The following PCDH9 variants were observed in gnomAD, a reference collection of about 807,000 sequenced individuals.
The protein encoded by PCDH9 is protocadherin-9.
A neutral mutation model predicts 70.6 loss-of-function variants in PCDH9; 24 were observed. The ratio of observed to expected loss-of-function variants is 0.34; its 90% CI spans 0.25 to 0.48. PCDH9 has a LOEUF of 0.48. PCDH9 is among the 20% of genes least tolerant of loss of function. The probability of loss-of-function intolerance (pLI) is 0.99; values close to 1 mark genes in which losing one functional copy is unlikely to be tolerated. For missense variants in PCDH9, 1,281 were observed against 1,503.6 expected (o/e 0.85, Z 2.45); for synonymous variants, 562 against 558.5 (o/e 1.01, Z -0.09).
intron 3 of PCDH9, among the ~76,000 whole-genome samples, chr13:66,664,007 T>TTA (rs1238049953): frequency 6.6e-6 from 1 of 152,148 alleles, no homozygotes; most frequent in Non-Finnish European, 1.5e-5. Flanking sequence ...ACTACAGACT[T>TTA]TCACCTAGAA....
At chr13:66,445,574 A>AGC (rs1264122510) in intron 4 of PCDH9, among the ~76,000 whole-genome samples, 1 of 143,764 alleles carries the variant, frequency 7.0e-6, no homozygotes, top group African/African-American at 2.5e-5. Context: ...ACGTGTATAT[A>AGC]TTATATATAC....
chr13:66,611,687 T>G (rs2077295309), intron 4 of PCDH9, among the ~76,000 whole-genome samples: 2 of 152,158 alleles, frequency 1.3e-5, no homozygotes, highest in Non-Finnish European at 2.9e-5. Context: ...TAACAAGAAA[T>G]TTGAATATAG....
At chr13:66,750,096 C>T (rs1391455185) in intron 3 of PCDH9, among the ~76,000 whole-genome samples, 1 of 150,562 alleles carries the variant, frequency 6.6e-6, no homozygotes, top group African/African-American at 2.4e-5. Context: ...CGTGCATGTG[C>T]ACACACACAC....
At chr13:67,148,698 CAT>C (rs1011136971) in intron 2 of PCDH9, among the ~76,000 whole-genome samples, 1 of 152,028 alleles carries the variant, frequency 6.6e-6, no homozygotes, top group African/African-American at 2.4e-5. Flanking sequence ...GTTCTTTACA[CAT>C]GTCATAAAGA....
At chr13:66,904,226 A>G (rs2082322982) in intron 2 of PCDH9, among the ~76,000 whole-genome samples, 1 of 152,088 alleles carries the variant, frequency 6.6e-6, no homozygotes, top group Non-Finnish European at 1.5e-5. Context: ...CAGGTTATCT[A>G]AAATAATTTA....
intron 4 of PCDH9, among the ~76,000 whole-genome samples, chr13:66,531,515 A>G (rs908908252): frequency 1.3e-5 from 2 of 151,868 alleles, no homozygotes; most frequent in Non-Finnish European, 2.9e-5. Context: ...TTTTCTTGTT[A>G]TGGCATGCAC....
intron 2 of PCDH9, among the ~76,000 whole-genome samples, chr13:66,987,152 TG>T (rs2083908629): frequency 6.6e-6 from 1 of 152,110 alleles, no homozygotes; most frequent in Admixed American, 6.6e-5. Flanking sequence ...TAAATAAAAT[TG>T]GCTCTGATTT....
intron 2 of PCDH9, among the ~76,000 whole-genome samples, chr13:67,187,623 T>C (rs560081984): frequency 1.2e-3 from 185 of 152,302 alleles, no homozygotes; most frequent in African/African-American, 3.2e-3. Context: ...TCTATGATTA[T>C]TGATTGTAAT....
At chr13:66,640,362 C>T (rs2077692850) in intron 3 of PCDH9, among the ~76,000 whole-genome samples, 1 of 152,078 alleles carries the variant, frequency 6.6e-6, no homozygotes, top group South Asian at 2.1e-4. Flanking sequence ...CCTAGCATTC[C>T]CCTTGTTAAT....
Position 66,622,870 on chromosome 13 carries a change from C to T in PCDH9, c.3340+8340G>A, listed in dbSNP as rs113178451. 1.4e-3 allele frequency among the ~76,000 whole-genome samples: 207 copies of T among 152,268 alleles called. 1 individual carries two copies. The highest frequency in any genetic ancestry group is 4.7e-3 in the African/African-American group (194 of 41,550). ...CTTGCTGCTGCTCACTCTTTGTGTC[C>T]ACACTGCCTTTATGAGCTGTAACAC... On this transcript the variant is annotated intron_variant, in intron 4 of 4. Transcript: ENST00000377865.
At chr13:67,022,366 C>T (rs1331492189) in intron 2 of PCDH9, among the ~76,000 whole-genome samples, 1 of 151,866 alleles carries the variant, frequency 6.6e-6, no homozygotes, top group Non-Finnish European at 1.5e-5. Context: ...GGTGATCTGC[C>T]CACCTTGGCC....
chr13:66,427,641 A>G (rs1957694241), intron 4 of PCDH9, among the ~76,000 whole-genome samples: 2 of 151,792 alleles, frequency 1.3e-5, no homozygotes, highest in African/African-American at 4.8e-5. Context: ...TTTTCAGAAC[A>G]GAAAATATAA....
chr13:67,074,060 C>CTA (rs1370133039), intron 2 of PCDH9, among the ~76,000 whole-genome samples: 1 of 149,186 alleles, frequency 6.7e-6, no homozygotes, highest in African/African-American at 2.5e-5. Flanking sequence ...ATCTATCTAT[C>CTA]TATCTATCTA....
At chr13:67,164,483 A>C (rs1360119210) in intron 2 of PCDH9, among the ~76,000 whole-genome samples, 1 of 151,584 alleles carries the variant, frequency 6.6e-6, no homozygotes, top group Non-Finnish European at 1.5e-5. Context: ...GCTGAAGCAG[A>C]GAATTGCTTG....
intron 2 of PCDH9, among the ~76,000 whole-genome samples, chr13:67,150,616 C>T (rs751732033): frequency 2.6e-5 from 4 of 152,144 alleles, no homozygotes; most frequent in Non-Finnish European, 5.9e-5. Flanking sequence ...TTCTTAAACA[C>T]AATACATCCA....
intron 2 of PCDH9, among the ~76,000 whole-genome samples, chr13:67,025,096 T>A (rs1361473410): frequency 6.6e-6 from 1 of 152,152 alleles, no homozygotes; most frequent in Non-Finnish European, 1.5e-5. Flanking sequence ...AGCTACACAT[T>A]CTTTGTCTCA....
rs1593770353 is a variant in PCDH9, at chr13:66,304,406, T to C, written c.*249A>G. 1 of 389,070 alleles carries C rather than the reference T, an allele frequency of 2.6e-6. No individual in the cohort carries two copies. Among genetic ancestry groups the C allele is most frequent in the Admixed American group, 3.9e-5 (1 of 25,350 alleles). The allele number at this position is 389,070 out of a possible 1,614,324, so 24.1% of individuals were successfully genotyped here. On this transcript the variant is annotated 3_prime_UTR_variant, in exon 5 of 5. Coordinates refer to ENST00000377865, the MANE Select transcript of PCDH9 (RefSeq NM_203487.3). The stretch of plus-strand genomic sequence containing the variant: ...CCAGGGTCAAAATAAAATGCAATAA[T>C]AAAAAAAATTTGCACAATGGAGAGA...
chr13:66,468,708 C>G (rs1200890795), intron 4 of PCDH9, among the ~76,000 whole-genome samples: 1 of 152,048 alleles, frequency 6.6e-6, no homozygotes, highest in Non-Finnish European at 1.5e-5. Context: ...GCTTGTGCAC[C>G]TCAAATTTAT....
At chr13:66,939,890 T>C (rs1409905604) in intron 2 of PCDH9, among the ~76,000 whole-genome samples, 2 of 152,102 alleles carry the variant, frequency 1.3e-5, no homozygotes, top group African/African-American at 4.8e-5. Flanking sequence ...ACGAGAGAGG[T>C]CTATGTGTAT....
Sources: gnomAD v4.1 joint callset for allele counts (sites outside exome capture counted in the v4.1 genomes callset) on GRCh38, gnomAD v4.1.1 for gene constraint, MANE v1.5 for transcripts, NCBI Gene and HGNC (gene_info 2026-07-23, HGNC 2026-07-21) for gene names.